MYRIP: variants seen among roughly 807,000 people sequenced by gnomAD.
The protein encoded by MYRIP is rab effector MyRIP.
In MYRIP, 49 loss-of-function variants were observed where a neutral mutation model predicts 98.0. The ratio of observed to expected loss-of-function variants is 0.50; its 90% CI spans 0.40 to 0.63. The LOEUF (loss-of-function observed/expected upper bound fraction) is 0.63. MYRIP is among the 30% of genes least tolerant of loss of function. The pLI, the probability that MYRIP is intolerant of heterozygous loss-of-function variation, is 0.00. For missense variants in MYRIP, 1,004 were observed against 1,058.2 expected (o/e 0.95, Z 0.71); for synonymous variants, 404 against 409.5 (o/e 0.99, Z 0.16).
intron 1 of MYRIP, among the ~76,000 whole-genome samples, chr3:39,880,824 CAT>C (rs1943140524): frequency 6.6e-6 from 1 of 152,094 alleles, no homozygotes; most frequent in African/African-American, 2.4e-5. Context: ...ATTTTGATGT[CAT>C]ATTTCATTCA....
intron 1 of MYRIP, among the ~76,000 whole-genome samples, chr3:39,898,669 T>C (rs1243787205): frequency 6.6e-6 from 1 of 152,182 alleles, no homozygotes; most frequent in Non-Finnish European, 1.5e-5. Flanking sequence ...TGTTTTCTCA[T>C]TTGTAAATGG....
chr3:39,919,725 T>TGAGAGA (rs1338639798), intron 2 of MYRIP, among the ~76,000 whole-genome samples: 31 of 143,946 alleles, frequency 2.2e-4, no homozygotes, highest in African/African-American at 7.8e-4. Context: ...TGTGTGTGTG[T>TGAGAGA]GTGAGAGAGA....
intron 2 of MYRIP, among the ~76,000 whole-genome samples, chr3:39,996,262 A>G (rs1946351135): frequency 6.6e-6 from 1 of 152,198 alleles, no homozygotes; most frequent in African/African-American, 2.4e-5. Flanking sequence ...GTCAAGACCC[A>G]TCTGTGTGCT....
chr3:40,077,754 A>G (rs767498147), intron 3 of MYRIP, among the ~76,000 whole-genome samples: 7 of 152,340 alleles, frequency 4.6e-5, no homozygotes, highest in Middle Eastern at 6.8e-3. Flanking sequence ...CCTGAGCTAG[A>G]CAAAGGGTGT....
chr3:40,126,302 C>T (rs1348876060), intron 3 of MYRIP, among the ~76,000 whole-genome samples: 1 of 152,188 alleles, frequency 6.6e-6, no homozygotes, highest in East Asian at 1.9e-4. Flanking sequence ...CCAGGAGATC[C>T]TGACGCATAT....
intron 3 of MYRIP, among the ~76,000 whole-genome samples, chr3:40,073,649 T>C (rs1407380491): frequency 6.6e-6 from 1 of 152,270 alleles, no homozygotes; most frequent in African/African-American, 2.4e-5. Context: ...AATTTCCCTT[T>C]TGCCCTTCTT....
intron 1 of MYRIP, among the ~76,000 whole-genome samples, chr3:39,871,834 G>T (rs1422626815): frequency 6.6e-6 from 1 of 151,900 alleles, no homozygotes; most frequent in African/African-American, 2.4e-5. Context: ...ACAATTTCAA[G>T]TGTTATTAGC....
intron 2 of MYRIP, among the ~76,000 whole-genome samples, chr3:39,939,389 T>C (rs1671538672): frequency 6.6e-6 from 1 of 152,082 alleles, no homozygotes; most frequent in South Asian, 2.1e-4. Flanking sequence ...ACATGAAGAC[T>C]ATGTAGCTAC....
At chr3:40,117,790 A>G (rs1949314583) in intron 3 of MYRIP, among the ~76,000 whole-genome samples, 1 of 152,186 alleles carries the variant, frequency 6.6e-6, no homozygotes, top group Non-Finnish European at 1.5e-5. Context: ...ATTGAAATTA[A>G]TTTACTTTAG....
intron 12 of MYRIP, among the ~76,000 whole-genome samples, chr3:40,235,763 T>C (rs1952806465): frequency 6.6e-6 from 1 of 152,184 alleles, no homozygotes; most frequent in South Asian, 2.1e-4. Context: ...AAGCCATGCC[T>C]CAGAGTCAGG....
At chr3:40,060,470 T>G (rs975243860) in intron 3 of MYRIP, among the ~76,000 whole-genome samples, 1 of 152,162 alleles carries the variant, frequency 6.6e-6, no homozygotes, top group Non-Finnish European at 1.5e-5. Flanking sequence ...ATATATTCTG[T>G]TGGTGGTTAT....
chr3:40,056,487 T>A (rs78018277), intron 3 of MYRIP, among the ~76,000 whole-genome samples: 4,705 of 152,240 alleles, frequency 0.031, 103 homozygotes, highest in Non-Finnish European at 0.049. Context: ...TCGAGGCTTA[T>A]GGTTTTCTTT....
chr3:39,954,361 G>A (rs1279051455), intron 2 of MYRIP, among the ~76,000 whole-genome samples: 1 of 152,116 alleles, frequency 6.6e-6, no homozygotes, highest in African/African-American at 2.4e-5. Flanking sequence ...TCTGCAATAT[G>A]TGCTGTTCTG....
At chr3:39,917,346 A>T (rs1944186254) in intron 2 of MYRIP, among the ~76,000 whole-genome samples, 1 of 150,582 alleles carries the variant, frequency 6.6e-6, no homozygotes, top group African/African-American at 2.5e-5. Context: ...GGAACATGAC[A>T]TTCTGGAAAT....
chr3:40,165,187 G>A (rs1034293668), intron 5 of MYRIP, among the ~76,000 whole-genome samples: 5 of 152,228 alleles, frequency 3.3e-5, no homozygotes, highest in Non-Finnish European at 7.3e-5. Context: ...GAAAGACTGT[G>A]CAACCTGGTG....
intron 2 of MYRIP, among the ~76,000 whole-genome samples, chr3:39,990,431 C>G (rs1310514382): frequency 6.6e-6 from 1 of 152,142 alleles, no homozygotes. Context: ...CCATCTTGAC[C>G]CCACCCCTGT....
At chr3:40,077,763 G>T (rs1327641566) in intron 3 of MYRIP, among the ~76,000 whole-genome samples, 2 of 152,260 alleles carry the variant, frequency 1.3e-5, no homozygotes, top group African/African-American at 4.8e-5. Context: ...GACAAAGGGT[G>T]TTGATTGGTG....
At chr3:39,885,870 G>A (rs1236949669) in intron 1 of MYRIP, among the ~76,000 whole-genome samples, 1 of 151,920 alleles carries the variant, frequency 6.6e-6, no homozygotes, top group African/African-American at 2.4e-5. Context: ...GCACTTCTCT[G>A]TGTTGGTTAT....
chr3:40,178,499 C>T (rs924655279), intron 8 of MYRIP, among the ~76,000 whole-genome samples: 1 of 152,058 alleles, frequency 6.6e-6, no homozygotes, highest in Non-Finnish European at 1.5e-5. Context: ...TCAGTCAGAC[C>T]CGAGCTCAAC....
Sources: allele counts gnomAD v4.1 joint callset (sites outside exome capture counted in the v4.1 genomes callset), GRCh38; gene constraint gnomAD v4.1.1; transcripts MANE v1.5; gene names NCBI Gene and HGNC (gene_info 2026-07-23, HGNC 2026-07-21).